SPTB: variants seen among roughly 807,000 people sequenced by gnomAD.
The protein encoded by SPTB is spectrin beta, erythrocytic, also known as spectrin beta chain, erythrocytic.
SPTB carries 45 observed loss-of-function variants against 256.2 expected under a neutral mutation model. The ratio of observed to expected loss-of-function variants is 0.18; its 90% CI spans 0.14 to 0.23. The LOEUF is 0.23. SPTB is among the 10% of genes least tolerant of loss of function. The pLI is 1.00. For synonymous variants in SPTB, 1,231 were observed against 1,243.1 expected (o/e 0.99, Z 0.21); for missense variants, 2,715 against 3,040.4 (o/e 0.89, Z 2.52).
chr14:64,873,166 G>GC lies in SPTB; in HGVS notation c.-52+6625dup, dbSNP rs556046240. Among the ~76,000 whole-genome samples, 5 of 151,884 alleles carry GC rather than the reference G, an allele frequency of 3.3e-5. No homozygotes were observed. Among genetic ancestry groups the GC allele is most frequent in the Non-Finnish European group, 7.4e-5 (5 of 67,980 alleles). On this transcript the variant is annotated intron_variant, in intron 1 of 35. Coordinates refer to ENST00000644917, the MANE Select transcript of SPTB (RefSeq NM_001355436.2). This position sits in a 1 kb window ranked among gnomAD's most constrained non-coding sequence, Gnocchi z 4.3. ...AACCACCCTTCTTTCCCTTCATATT[G>GC]CTTTATTTTTCTTTTTAGCACTTGA...
chr14:64,751,732 TG>T (rs2081952179), intron 33 of SPTB, among the ~76,000 whole-genome samples: 1 of 152,120 alleles, frequency 6.6e-6, no homozygotes, highest in Admixed American at 6.5e-5. Context: ...GATTGTTTTC[TG>T]TTTTGATGAG....
chr14:64,801,992 C>T (rs891983555), intron 5 of SPTB, among the ~76,000 whole-genome samples, 158 bp from the exon 6 acceptor site: 1 of 152,176 alleles, frequency 6.6e-6, no homozygotes, highest in Non-Finnish European at 1.5e-5. Context: ...CACAGAGGCT[C>T]CCCCATCAGA....
Position 64,804,957 on chromosome 14 carries a change from C to G in SPTB, c.282G>C (p.Val94=). 6.2e-7 allele frequency: 1 copy of G among 1,614,168 alleles called. No individual in the cohort carries two copies. The highest frequency in any genetic ancestry group is 8.5e-7 in the Non-Finnish European group (1 of 1,180,030). The change falls in exon 3 of 36, where the codon GTG becomes GTC. Residue 94 remains valine (V), a synonymous_variant. Coordinates refer to ENST00000644917, the MANE Select transcript of SPTB (RefSeq NM_001355436.2). ...ACTTTACCAGCATCTCTCCAGAGAG[C>G]ACCTCCAGCAGCTTGATGAGCATGC... The part of the protein sequence containing the change: ...DGRMLIKLLE[V]LSGEMLPKPT...
chr14:64,815,795 G>A (rs1242999891), intron 2 of SPTB, among the ~76,000 whole-genome samples: 3 of 152,180 alleles, frequency 2.0e-5, no homozygotes, highest in African/African-American at 7.2e-5. Context: ...CACTCCATAG[G>A]TGGCTTCTGC....
At chr14:64,867,083 C>T (rs1014523489) in intron 1 of SPTB, among the ~76,000 whole-genome samples, 12 of 152,112 alleles carry the variant, frequency 7.9e-5, no homozygotes, top group African/African-American at 1.4e-4. Context: ...TAAAATCAGC[C>T]GTTACTTGTT....
intron 1 of SPTB, among the ~76,000 whole-genome samples, chr14:64,843,472 G>C (rs1352319626): frequency 1.3e-5 from 2 of 152,132 alleles, no homozygotes; most frequent in Non-Finnish European, 2.9e-5. Context: ...TTGAATGTTT[G>C]CCACCATTCT....
intron 1 of SPTB, among the ~76,000 whole-genome samples, chr14:64,828,233 C>T (rs1180339063): frequency 2.0e-5 from 3 of 151,416 alleles, no homozygotes; most frequent in African/African-American, 7.3e-5. Context: ...CATGCCGCAA[C>T]TTGTCCACTC....
chr14:64,860,810 C>T (rs1057192426), intron 1 of SPTB, among the ~76,000 whole-genome samples: 4 of 152,114 alleles, frequency 2.6e-5, no homozygotes, highest in Admixed American at 1.3e-4. Flanking sequence ...GACAGTGTGG[C>T]GATTCCTAAA....
chr14:64,851,157 A>G (rs1438080361), intron 1 of SPTB, among the ~76,000 whole-genome samples: 2 of 152,238 alleles, frequency 1.3e-5, no homozygotes, highest in Admixed American at 1.3e-4. Context: ...AAACAGATTC[A>G]TAGTTTTAAA....
intron 1 of SPTB, among the ~76,000 whole-genome samples, chr14:64,834,451 G>A (rs1330112076): frequency 1.4e-5 from 2 of 140,386 alleles, no homozygotes; most frequent in East Asian, 2.2e-4. Context: ...TTTAGACATC[G>A]TTTCAATCCT....
At chr14:64,782,893 C>G (rs2139548552) in intron 19 of SPTB, among the ~76,000 whole-genome samples, 1 of 149,656 alleles carries the variant, frequency 6.7e-6, no homozygotes, top group South Asian at 2.1e-4. Flanking sequence ...TCCTCATATT[C>G]AAAGGGTTAG....
chr14:64,850,239 T>C (rs1383675106), intron 1 of SPTB, among the ~76,000 whole-genome samples: 1 of 152,162 alleles, frequency 6.6e-6, no homozygotes, highest in African/African-American at 2.4e-5. Flanking sequence ...GCATCACCAT[T>C]GGGACACAGG....
Position 64,747,969 on chromosome 14 carries a change from G to C in SPTB, c.*1337C>G, listed in dbSNP as rs1177883524. On this transcript the variant is annotated 3_prime_UTR_variant, in exon 36 of 36. Coordinates refer to ENST00000644917, the MANE Select transcript of SPTB (RefSeq NM_001355436.2). ...AGCAGCAAGGGGAAGGCCATTCCTGGGGACGTTGGTTGCAGAGCTTCTGGT... is the reference window on the plus strand; with the variant it reads ...AGCAGCAAGGGGAAGGCCATTCCTGCGGACGTTGGTTGCAGAGCTTCTGGT... 1 of 152,156 alleles carries C rather than the reference G, an allele frequency of 6.6e-6. No individual in the cohort carries two copies. Among genetic ancestry groups the C allele is most frequent in the Non-Finnish European group, 1.5e-5 (1 of 68,076 alleles). 9.4% of individuals were successfully genotyped at this position (152,156 alleles called of 1,614,324 possible). A position where few individuals can be genotyped will look rare whatever the true frequency, so the allele number is the denominator to read the frequency against.
At position 64,866,481 on chromosome 14, in the gene SPTB, A is replaced by G. The variant is rs1354588069; in HGVS notation, c.-52+13311T>C. On this transcript the variant is annotated intron_variant, in intron 1 of 35. Transcript: ENST00000644917. This position sits in a 1 kb window ranked among gnomAD's most constrained non-coding sequence, Gnocchi z 4.6. ...TTGAGGGCCTTCCGCTTATCAGTTC[A>G]TCTCAGACCCCACCACATACTCAGA... Among the ~76,000 whole-genome samples the G allele has an allele frequency of 6.6e-6, 1 of 152,072 alleles. No individual in the cohort carries two copies. Among genetic ancestry groups the G allele is most frequent in the African/African-American group, 2.4e-5 (1 of 41,392 alleles).
At chr14:64,799,017 G>T (rs2082830432) in intron 9 of SPTB, among the ~76,000 whole-genome samples, 1 of 152,204 alleles carries the variant, frequency 6.6e-6, no homozygotes. Flanking sequence ...ACATGTGGTT[G>T]TATGTGCATA....
rs1349764876 is a variant in SPTB at position 64,802,517 on chromosome 14, T to C, written c.475-200A>G. Reference sequence around the variant, plus strand: ...TGCATTTACATTTCCTTCTCTCTCCTAGATGCTCCCTGAGCCCAGGGAAAT... The same window carrying C: ...TGCATTTACATTTCCTTCTCTCTCCCAGATGCTCCCTGAGCCCAGGGAAAT... On this transcript the variant is annotated intron_variant, in intron 4 of 35. Transcript: ENST00000644917. The surrounding 1 kb of genome is among the most constrained non-coding windows in gnomAD (Gnocchi z 5.1). 6.6e-6 allele frequency among the ~76,000 whole-genome samples: 1 copy of C among 152,188 alleles called. No homozygotes were observed. The highest frequency in any genetic ancestry group is 1.5e-5 in the Non-Finnish European group (1 of 68,038).
intron 22 of SPTB, among the ~76,000 whole-genome samples, chr14:64,776,467 G>A (rs1170256770): frequency 6.6e-6 from 1 of 151,936 alleles, no homozygotes; most frequent in Non-Finnish European, 1.5e-5. Context: ...TTTTAAGATA[G>A]GGTCTCACTC....
rs572424654 is a variant in SPTB at position 64,778,357 on chromosome 14, G to A, written c.4563+800C>T. ...ATACTAACCGGGCACTCTGGGACATGTCACTTTTATCTGGGATCTAAGTTC... is the reference window on the plus strand; with the variant it reads ...ATACTAACCGGGCACTCTGGGACATATCACTTTTATCTGGGATCTAAGTTC... On this transcript the variant is annotated intron_variant, in intron 22 of 35. Transcript: ENST00000644917. This position sits in a 1 kb window ranked among gnomAD's most constrained non-coding sequence, Gnocchi z 5.2. Among the ~76,000 whole-genome samples the A allele has an allele frequency of 1.0e-3, 156 of 152,318 alleles. 2 individuals carry two copies. Among genetic ancestry groups the A allele is most frequent in the Non-Finnish European group, 9.8e-4 (67 of 68,032 alleles).
chr14:64,830,772 T>C (rs1463784745), intron 1 of SPTB, among the ~76,000 whole-genome samples: 1 of 152,134 alleles, frequency 6.6e-6, no homozygotes, highest in Non-Finnish European at 1.5e-5. Flanking sequence ...AGTCCAATTC[T>C]AAGCCCTGCA....
Sources: gnomAD v4.1 joint callset for allele counts (sites outside exome capture counted in the v4.1 genomes callset) on GRCh38, gnomAD v4.1.1 for gene constraint, Gnocchi (gnomAD v3.1) non-coding constraint, MANE v1.5 for transcripts, NCBI Gene and HGNC (gene_info 2026-07-23, HGNC 2026-07-21) for gene names.